CSMD1: variants seen among roughly 807,000 people sequenced by gnomAD.
CSMD1 encodes CUB and sushi domain-containing protein 1.
CSMD1 carries 213 observed loss-of-function variants against 417.5 expected under a neutral mutation model. The observed-to-expected ratio is 0.51, with a 90% CI of 0.46 to 0.57. The LOEUF (loss-of-function observed/expected upper bound fraction) is 0.57. CSMD1 is among the 20% of genes least tolerant of loss of function. CSMD1 has a pLI of 0.00. For synonymous variants in CSMD1, 2,862 were observed against 1,736.8 expected (o/e 1.65, Z -16.11); for missense variants, 6,923 against 4,529.7 (o/e 1.53, Z -15.17).
At chr8:4,006,945 A>C (rs1816172367) in intron 4 of CSMD1, among the ~76,000 whole-genome samples, 1 of 146,132 alleles carries the variant, frequency 6.8e-6, no homozygotes, top group South Asian at 2.1e-4. Flanking sequence ...CTCCTGCTTC[A>C]GACTCACGAG....
intron 12 of CSMD1, among the ~76,000 whole-genome samples, chr8:3,446,997 A>G (rs1230182255): frequency 1.3e-5 from 2 of 152,212 alleles, no homozygotes; most frequent in African/African-American, 2.4e-5. Flanking sequence ...TGTAAAGAAT[A>G]AAGGAATTGG....
intron 23 of CSMD1, among the ~76,000 whole-genome samples, chr8:3,321,180 C>T (rs140507752): frequency 3.9e-5 from 6 of 152,194 alleles, no homozygotes; most frequent in African/African-American, 1.4e-4. Flanking sequence ...TCTAAGCTTC[C>T]AGTGCTTAGT....
chr8:4,470,781 T>C (rs1408710565), intron 2 of CSMD1, among the ~76,000 whole-genome samples: 1 of 152,212 alleles, frequency 6.6e-6, no homozygotes, highest in Non-Finnish European at 1.5e-5. Flanking sequence ...ATTTAGACAA[T>C]ATTTAAGGAT....
At chr8:3,304,027 C>T (rs759568863) in intron 25 of CSMD1, among the ~76,000 whole-genome samples, 242 of 152,154 alleles carry the variant, frequency 1.6e-3, no homozygotes, top group Non-Finnish European at 2.8e-4. Context: ...TTGCTCTGGG[C>T]CTCAATGAAA....
intron 3 of CSMD1, among the ~76,000 whole-genome samples, chr8:4,350,619 G>A (rs10429391): frequency 0.54 from 82,314 of 152,026 alleles, 25,335 homozygotes; most frequent in African/African-American, 0.86. Context: ...AAACTGACCT[G>A]GGCAATGGGC....
chr8:2,989,565 G>A (rs1806201368), intron 54 of CSMD1, among the ~76,000 whole-genome samples: 1 of 152,018 alleles, frequency 6.6e-6, no homozygotes, highest in Non-Finnish European at 1.5e-5. Context: ...AAAAAACAAA[G>A]GCTACATTAA....
chr8:4,017,381 C>G (rs527523069), intron 4 of CSMD1, among the ~76,000 whole-genome samples: 31 of 152,276 alleles, frequency 2.0e-4, no homozygotes, highest in African/African-American at 7.2e-4. Context: ...TCTTGGCTCA[C>G]TACAACCTCC....
chr8:3,291,813 C>T (rs187894833), intron 25 of CSMD1, among the ~76,000 whole-genome samples: 140 of 151,884 alleles, frequency 9.2e-4, no homozygotes, highest in East Asian at 3.1e-3. Flanking sequence ...GGGTTTTTTG[C>T]GTCTCTATTT....
At chr8:3,870,141 C>A (rs1337257425) in intron 5 of CSMD1, among the ~76,000 whole-genome samples, 1 of 152,074 alleles carries the variant, frequency 6.6e-6, no homozygotes, top group Non-Finnish European at 1.5e-5. Context: ...ACAGAGATTA[C>A]ACATTATTTT....
chr8:3,805,457 C>G (rs554322428), intron 5 of CSMD1, among the ~76,000 whole-genome samples: 1 of 152,180 alleles, frequency 6.6e-6, no homozygotes, highest in Non-Finnish European at 1.5e-5. Flanking sequence ...ATGATCTACT[C>G]CCTCCCTCTT....
intron 10 of CSMD1, among the ~76,000 whole-genome samples, chr8:3,504,429 C>G (rs554258884): frequency 6.6e-6 from 1 of 152,264 alleles, no homozygotes; most frequent in African/African-American, 2.4e-5. Flanking sequence ...GAATGCAGTG[C>G]AAGCAAGGTG....
At chr8:4,519,220 G>C (rs1044646672) in intron 2 of CSMD1, among the ~76,000 whole-genome samples, 26 of 152,090 alleles carry the variant, frequency 1.7e-4, no homozygotes, top group African/African-American at 6.0e-4. Flanking sequence ...ACAGGAATGA[G>C]TTTGTTGCCT....
intron 1 of CSMD1, among the ~76,000 whole-genome samples, chr8:4,911,058 C>G (rs1310890483): frequency 2.0e-5 from 3 of 152,180 alleles, no homozygotes; most frequent in Non-Finnish European, 2.9e-5. Flanking sequence ...CTTGCTCCTC[C>G]TTGCCTTCCA....
intron 2 of CSMD1, among the ~76,000 whole-genome samples, chr8:4,597,987 A>G (rs768867903): frequency 3.6e-4 from 54 of 151,418 alleles, no homozygotes; most frequent in Non-Finnish European, 6.2e-4. Context: ...ATTTATTTTT[A>G]TATAAATTAT....
intron 25 of CSMD1, among the ~76,000 whole-genome samples, chr8:3,304,806 C>A (rs1046112496): frequency 3.3e-5 from 5 of 151,614 alleles, no homozygotes; most frequent in Non-Finnish European, 2.9e-5. Context: ...ACTTGGTTTG[C>A]ATTTAGAGAA....
chr8:3,183,054 G>T (rs557711776), intron 36 of CSMD1: 1 of 151,986 alleles, frequency 6.6e-6, no homozygotes, highest in South Asian at 2.1e-4. Flanking sequence ...CACCGCACCC[G>T]GCCTAGAAGA....
chr8:4,270,755 C>A (rs550341932), intron 3 of CSMD1, among the ~76,000 whole-genome samples: 1 of 152,188 alleles, frequency 6.6e-6, no homozygotes, highest in African/African-American at 2.4e-5. Context: ...CAGTGCTACT[C>A]ATCACCTGCA....
At chr8:3,191,921 A>C (rs538364193) in intron 33 of CSMD1, among the ~76,000 whole-genome samples, 25 of 152,238 alleles carry the variant, frequency 1.6e-4, no homozygotes, top group Admixed American at 8.5e-4. Context: ...CTTTAGCAGA[A>C]TGTTCTCGTA....
intron 2 of CSMD1, among the ~76,000 whole-genome samples, chr8:4,528,097 G>A (rs1796612624): frequency 6.6e-6 from 1 of 152,178 alleles, no homozygotes; most frequent in African/African-American, 2.4e-5. Context: ...AGATGGGTTT[G>A]CATTTTGTGT....
Sources: allele counts gnomAD v4.1 joint callset (sites outside exome capture counted in the v4.1 genomes callset), GRCh38; gene constraint gnomAD v4.1.1; transcripts MANE v1.5; gene names NCBI Gene and HGNC (gene_info 2026-07-23, HGNC 2026-07-21).